E2F3: variants seen among roughly 807,000 people sequenced by gnomAD.
E2F3 encodes the protein E2F transcription factor 3.
Under a neutral mutation model 44.4 loss-of-function variants are expected in E2F3, and 11 were observed. The observed-to-expected ratio is 0.25, with a 90% CI of 0.16 to 0.41. The LOEUF (loss-of-function observed/expected upper bound fraction) is 0.41, where lower values mean the gene tolerates loss of function less well. Among genes scored for constraint, E2F3 ranks in the 10% least tolerant of loss-of-function variants. E2F3 has a pLI of 1.00. For synonymous variants in E2F3, 249 were observed against 253.0 expected (o/e 0.98, Z 0.15); for missense variants, 487 against 583.6 (o/e 0.83, Z 1.70).
chr6:20,485,860 C>T (rs1486412663), intron 4 of E2F3, among the ~76,000 whole-genome samples: 3 of 152,170 alleles, frequency 2.0e-5, no homozygotes, highest in African/African-American at 7.2e-5. Context: ...TGAGTTCCTC[C>T]ACTAATGTAT....
chr6:20,483,075 G>A (rs999008519), intron 4 of E2F3, among the ~76,000 whole-genome samples, 155 bp downstream of exon 4: 2 of 152,076 alleles, frequency 1.3e-5, no homozygotes, highest in African/African-American at 4.8e-5. Context: ...GTGTGCACGT[G>A]TGTGTGTAAA....
At chr6:20,466,742 G>A (rs557684995) in intron 1 of E2F3, among the ~76,000 whole-genome samples, 15 of 150,810 alleles carry the variant, frequency 9.9e-5, no homozygotes, top group Admixed American at 5.9e-4. Context: ...GAGTGCAGTG[G>A]CGCAATCTCT....
chr6:20,440,297 ATAATT>A (rs917879197), intron 1 of E2F3: 3 of 152,254 alleles, frequency 2.0e-5, no homozygotes, highest in Middle Eastern at 3.2e-3. Context: ...AAAAATTAAA[ATAATT>A]TAGTAATGTC....
intron 1 of E2F3, among the ~76,000 whole-genome samples, chr6:20,464,325 C>G (rs1241805932): frequency 2.0e-5 from 3 of 152,200 alleles, no homozygotes; most frequent in Admixed American, 6.5e-5. Flanking sequence ...CTGAAGAATC[C>G]AGCAGCTCCT....
intron 1 of E2F3, among the ~76,000 whole-genome samples, chr6:20,425,563 ATTT>A (rs1319165688): frequency 1.3e-5 from 2 of 151,966 alleles, no homozygotes; most frequent in Non-Finnish European, 2.9e-5. Context: ...TAATTTTTGT[ATTT>A]TTAGTAGAGA....
At chr6:20,471,172 C>G (rs946752033) in intron 1 of E2F3, among the ~76,000 whole-genome samples, 2 of 152,166 alleles carry the variant, frequency 1.3e-5, no homozygotes, top group Non-Finnish European at 2.9e-5. Flanking sequence ...TTTTACTATT[C>G]ACACCTGCTT....
intron 1 of E2F3, chr6:20,445,146 TG>T (rs1387411756): frequency 2.0e-6 from 2 of 985,270 alleles, no homozygotes; most frequent in Non-Finnish European, 2.4e-6. Flanking sequence ...GAATCCCTAG[TG>T]GCAGCAGCGC....
intron 1 of E2F3, among the ~76,000 whole-genome samples, chr6:20,469,903 G>A (rs900607936): frequency 1.6e-4 from 24 of 152,124 alleles, no homozygotes; most frequent in African/African-American, 5.6e-4. Context: ...ACTGTAAAAA[G>A]CTGGAGAAGA....
chr6:20,408,363 G>A (rs1759559247), intron 1 of E2F3, among the ~76,000 whole-genome samples: 1 of 152,166 alleles, frequency 6.6e-6, no homozygotes, highest in Admixed American at 6.5e-5. Flanking sequence ...AACATACCGA[G>A]TTTCTATTTC....
intron 1 of E2F3, among the ~76,000 whole-genome samples, chr6:20,447,778 T>A (rs1760998274): frequency 6.6e-6 from 1 of 152,160 alleles, no homozygotes; most frequent in East Asian, 1.9e-4. Flanking sequence ...TTCTTGGCAG[T>A]AAATTGGGTT....
At chr6:20,481,994 T>C (rs1476575440) in intron 3 of E2F3, among the ~76,000 whole-genome samples, 1 of 152,148 alleles carries the variant, frequency 6.6e-6, no homozygotes, top group African/African-American at 2.4e-5. Flanking sequence ...TGATTACATA[T>C]GTAATATATT....
chr6:20,448,266 C>T (rs1561865530), intron 1 of E2F3, among the ~76,000 whole-genome samples: 1 of 152,184 alleles, frequency 6.6e-6, no homozygotes, highest in Non-Finnish European at 1.5e-5. Context: ...CCAAGGAGTG[C>T]TCTTGCAGAC....
intron 1 of E2F3, among the ~76,000 whole-genome samples, chr6:20,462,847 T>C (rs1761561130): frequency 2.1e-5 from 3 of 144,384 alleles, no homozygotes; most frequent in Admixed American, 7.0e-5. Flanking sequence ...TTTGTTCTCT[T>C]TCTCTCTCTC....
At chr6:20,434,526 A>T (rs1478428342) in intron 1 of E2F3, among the ~76,000 whole-genome samples, 1 of 152,150 alleles carries the variant, frequency 6.6e-6, no homozygotes, top group Admixed American at 6.5e-5. Context: ...ACGCCACTTA[A>T]ATCTTAGACC....
chr6:20,455,273 T>C (rs978621701), intron 1 of E2F3, among the ~76,000 whole-genome samples: 5 of 152,246 alleles, frequency 3.3e-5, no homozygotes, highest in African/African-American at 1.2e-4. Flanking sequence ...TGTTTCATTG[T>C]AATAGTCTTG....
In E2F3 at chr6:20,402,129, G is replaced by C; in HGVS notation, c.-104G>C. On this transcript the variant is annotated 5_prime_UTR_variant, in exon 1 of 7. Transcript: ENST00000346618. This position sits in a 1 kb window ranked among gnomAD's most constrained non-coding sequence, Gnocchi z 5.6. ...AGGGGGCTCGGAAGCGCCGGGCGGGGAGGAGAGAAGGAGGAGAGACTTGGA... is the reference window on the plus strand; with the variant it reads ...AGGGGGCTCGGAAGCGCCGGGCGGGCAGGAGAGAAGGAGGAGAGACTTGGA... The C allele has an allele frequency of 1.4e-6, 2 of 1,435,842 alleles. No individual in the cohort carries two copies. The highest frequency in any genetic ancestry group is 1.5e-5 in the South Asian group (1 of 65,064). 88.9% of individuals were successfully genotyped at this position (1,435,842 alleles called of 1,614,324 possible). A position where few individuals can be genotyped will look rare whatever the true frequency, so the allele number is the denominator to read the frequency against.
At chr6:20,445,412 G>A (rs1310135657) in intron 1 of E2F3, among the ~76,000 whole-genome samples, 1 of 152,064 alleles carries the variant, frequency 6.6e-6, no homozygotes, top group Non-Finnish European at 1.5e-5. Flanking sequence ...GCTAATTTTT[G>A]TAGTTTCAGT....
intron 1 of E2F3, chr6:20,403,879 C>G (rs1035162425): frequency 1.1e-5 from 14 of 1,240,246 alleles, no homozygotes; most frequent in African/African-American, 3.1e-5. Flanking sequence ...GCGGGGGCAC[C>G]GGATTCTGTT....
chr6:20,470,833 CA>C (rs1761867285), intron 1 of E2F3, among the ~76,000 whole-genome samples: 1 of 152,174 alleles, frequency 6.6e-6, no homozygotes, highest in African/African-American at 2.4e-5. Flanking sequence ...CTTCCCTCCC[CA>C]CCACGAAGCT....
Sources: gnomAD v4.1 joint callset for allele counts (sites outside exome capture counted in the v4.1 genomes callset) on GRCh38, gnomAD v4.1.1 for gene constraint, Gnocchi (gnomAD v3.1) non-coding constraint, MANE v1.5 for transcripts, NCBI Gene and HGNC (gene_info 2026-07-23, HGNC 2026-07-21) for gene names.